Variants in CPA6 observed in about 807,000 individuals in gnomAD.
CPA6 encodes the protein carboxypeptidase B.
Under a neutral mutation model 63.3 loss-of-function variants are expected in CPA6, and 58 were observed. The observed-to-expected ratio is 0.92, with a 90% CI of 0.74 to 1.14. CPA6 has a LOEUF of 1.14. Ranked by LOEUF, CPA6 falls within the 50% of genes most tolerant of loss-of-function variation. The pLI is 0.00. For synonymous variants in CPA6, 185 were observed against 179.0 expected (o/e 1.03, Z -0.27); for missense variants, 565 against 526.6 (o/e 1.07, Z -0.71).
chr8:67,624,211 C>T lies in CPA6; in HGVS notation c.157G>A (p.Ala53Thr). ...TAGGATATTTTCTTCAGTGCATATG[C>T]TTCCTCTTCTGTTTTGGGAATAAAT... ...IRFIPKTEEE[A>T]YALKKISYQL... Residue 53 changes from alanine to threonine, a missense_variant, in exon 2 of 11, where the codon GCA becomes ACA. Coordinates refer to ENST00000297770, the MANE Select transcript of CPA6 (RefSeq NM_020361.5). 5 of 1,546,488 alleles carry T rather than the reference C, an allele frequency of 3.2e-6. No individual in the cohort carries two copies. Among genetic ancestry groups the T allele is most frequent in the Admixed American group, 1.7e-5 (1 of 58,900 alleles).
At chr8:67,729,703 A>G (rs746102367) in intron 1 of CPA6, among the ~76,000 whole-genome samples, 8 of 152,260 alleles carry the variant, frequency 5.3e-5, no homozygotes, top group Non-Finnish European at 7.3e-5. Flanking sequence ...AAAGACGGGT[A>G]TGCAAGGCTT....
At chr8:67,724,896 A>G (rs1172110388) in intron 1 of CPA6, among the ~76,000 whole-genome samples, 1 of 152,254 alleles carries the variant, frequency 6.6e-6, no homozygotes, top group Non-Finnish European at 1.5e-5. Context: ...GTCCTCTTCC[A>G]TCTTAGACTC....
rs7840627 is a variant in CPA6 at position 67,629,029 on chromosome 8, C to A, written c.117-4778G>T. On this transcript the variant is annotated intron_variant, in intron 1 of 10. Transcript: ENST00000297770. Reference sequence around the variant, plus strand: ...ACTCTGGAGGCTAAGGCAGGAGAATCGCTTGAACCTGGCAGGCAGAAGTTG... The same window carrying A: ...ACTCTGGAGGCTAAGGCAGGAGAATAGCTTGAACCTGGCAGGCAGAAGTTG... Among the ~76,000 whole-genome samples the A allele has an allele frequency of 6.8e-3, 1,029 of 152,176 alleles. 18 individuals are homozygous for A. The highest frequency in any genetic ancestry group is 0.023 in the African/African-American group (944 of 41,516).
intron 1 of CPA6, among the ~76,000 whole-genome samples, chr8:67,632,471 C>G (rs1364888646): frequency 6.6e-6 from 1 of 151,966 alleles, no homozygotes; most frequent in East Asian, 1.9e-4. Context: ...CCACGCCCAG[C>G]TAATTAAAAA....
At chr8:67,711,620 G>A (rs1382058747) in intron 1 of CPA6, among the ~76,000 whole-genome samples, 1 of 152,042 alleles carries the variant, frequency 6.6e-6, no homozygotes, top group Non-Finnish European at 1.5e-5. Context: ...CCCAAGGGCA[G>A]TGTGTATATG....
At chr8:67,711,651 G>A (rs190247294) in intron 1 of CPA6, among the ~76,000 whole-genome samples, 7 of 150,960 alleles carry the variant, frequency 4.6e-5, no homozygotes, top group Admixed American at 3.3e-4. Context: ...GTATGTGTGT[G>A]GTATATGTAT....
intron 6 of CPA6, among the ~76,000 whole-genome samples, chr8:67,492,797 T>C (rs1182977440): frequency 6.6e-6 from 1 of 152,106 alleles, no homozygotes; most frequent in Non-Finnish European, 1.5e-5. Context: ...GTACAACTAA[T>C]GCAATGGATT....
At chr8:67,499,342 T>C (rs1433373314) in intron 6 of CPA6, among the ~76,000 whole-genome samples, 4 of 152,146 alleles carry the variant, frequency 2.6e-5, no homozygotes, top group Admixed American at 2.6e-4. Flanking sequence ...AGAGATGAAA[T>C]TGACTGTTTC....
intron 1 of CPA6, among the ~76,000 whole-genome samples, chr8:67,666,814 T>C (rs531819538): frequency 1.3e-4 from 20 of 152,252 alleles, no homozygotes; most frequent in Admixed American, 1.2e-3. Context: ...GGGGAATCTA[T>C]GGGTTGACAA....
chr8:67,522,829 C>A (rs1393831942), intron 2 of CPA6, among the ~76,000 whole-genome samples: 1 of 152,288 alleles, frequency 6.6e-6, no homozygotes, highest in East Asian at 1.9e-4. Flanking sequence ...AGTGGGCAGG[C>A]GTGGGATCCA....
intron 1 of CPA6, among the ~76,000 whole-genome samples, chr8:67,713,131 ATATATATATT>A (rs1817307096): frequency 7.4e-6 from 1 of 135,850 alleles, no homozygotes; most frequent in African/African-American, 2.8e-5. Context: ...ATATATATAT[ATATATATATT>A]AACAGGGTTC....
chr8:67,622,750 C>A (rs2162146), intron 2 of CPA6, among the ~76,000 whole-genome samples: 2 of 152,034 alleles, frequency 1.3e-5, no homozygotes, highest in Non-Finnish European at 2.9e-5. Context: ...CCTAACACTC[C>A]TTCAGGTAGG....
rs1456024001 is a variant in CPA6 at position 67,461,727 on chromosome 8, G to A, written c.838+22041C>T. On this transcript the variant is annotated intron_variant, in intron 8 of 10. Coordinates refer to ENST00000297770, the MANE Select transcript of CPA6 (RefSeq NM_020361.5). ...ACTTCCCTCCCGGATGGAGCGGCTG[G>A]CCGGGCAGAGGGGCGCCTCACTTCC... Among the ~76,000 whole-genome samples, 3 of 151,496 alleles carry A rather than the reference G, an allele frequency of 2.0e-5. No homozygotes were observed. The East Asian group carries it at 5.9e-4, about 30-fold the overall frequency.
intron 2 of CPA6, among the ~76,000 whole-genome samples, chr8:67,590,387 T>C (rs1369798072): frequency 6.6e-6 from 1 of 151,578 alleles, no homozygotes; most frequent in Non-Finnish European, 1.5e-5. Context: ...TGATTTATAG[T>C]CCTTTGGGTA....
chr8:67,715,249 A>G (rs1020441557), intron 1 of CPA6, among the ~76,000 whole-genome samples: 1 of 152,158 alleles, frequency 6.6e-6, no homozygotes, highest in Admixed American at 6.5e-5. Context: ...TCTACTTCCA[A>G]TGCCAATTCT....
At chr8:67,532,131 G>A (rs1272275591) in intron 2 of CPA6, among the ~76,000 whole-genome samples, 1 of 152,004 alleles carries the variant, frequency 6.6e-6, no homozygotes. Flanking sequence ...TAAAGAAGTA[G>A]AAGGCAAGTC....
chr8:67,653,102 C>G (rs1815887852), intron 1 of CPA6, among the ~76,000 whole-genome samples: 1 of 151,948 alleles, frequency 6.6e-6, no homozygotes, highest in South Asian at 2.1e-4. Context: ...TGATCTATAT[C>G]TCTGTTTTGG....
intron 3 of CPA6, among the ~76,000 whole-genome samples, chr8:67,516,625 C>G (rs1812149656): frequency 6.6e-6 from 1 of 152,224 alleles, no homozygotes; most frequent in African/African-American, 2.4e-5. Context: ...TGCAAACATT[C>G]TAATCCACCT....
At chr8:67,497,770 C>T (rs1811750875) in intron 6 of CPA6, among the ~76,000 whole-genome samples, 2 of 151,840 alleles carry the variant, frequency 1.3e-5, no homozygotes, top group East Asian at 1.9e-4. Flanking sequence ...CGGCTCACTG[C>T]AACCTCTGCC....
Sources: gnomAD v4.1 joint callset for allele counts (sites outside exome capture counted in the v4.1 genomes callset) on GRCh38, gnomAD v4.1.1 for gene constraint, MANE v1.5 for transcripts, NCBI Gene and HGNC (gene_info 2026-07-23, HGNC 2026-07-21) for gene names.